The following EXOC4 variants were observed in gnomAD, a reference collection of about 807,000 sequenced individuals.
EXOC4 encodes SEC8-like 1.
EXOC4 carries 71 observed loss-of-function variants against 107.2 expected under a neutral mutation model. That is an observed-to-expected ratio of 0.66 (90% CI 0.55 to 0.81). EXOC4 has a LOEUF of 0.81. EXOC4 is among the 30% of genes least tolerant of loss of function. EXOC4 has a pLI of 0.00. For synonymous variants in EXOC4, 456 were observed against 441.2 expected (o/e 1.03, Z -0.42); for missense variants, 1,108 against 1,189.6 (o/e 0.93, Z 1.01).
At chr7:133,501,787 G>A (rs1168725102) in intron 9 of EXOC4, among the ~76,000 whole-genome samples, 1 of 152,138 alleles carries the variant, frequency 6.6e-6, no homozygotes, top group Non-Finnish European at 1.5e-5. Flanking sequence ...TACAGGGTGA[G>A]GTCTGGAAGA....
intron 10 of EXOC4, among the ~76,000 whole-genome samples, chr7:133,690,188 T>C (rs1794389550): frequency 6.6e-6 from 1 of 152,198 alleles, no homozygotes; most frequent in Non-Finnish European, 1.5e-5. Context: ...GTTTGGTCTC[T>C]TGGGTGTAGT....
chr7:133,985,063 G>A (rs1004789476), intron 14 of EXOC4, among the ~76,000 whole-genome samples: 1 of 152,102 alleles, frequency 6.6e-6, no homozygotes, highest in East Asian at 1.9e-4. Flanking sequence ...GCTGGGCAGT[G>A]AATGGAACAG....
At chr7:133,881,151 A>C (rs1798957701) in intron 11 of EXOC4, among the ~76,000 whole-genome samples, 1 of 152,150 alleles carries the variant, frequency 6.6e-6, no homozygotes, top group South Asian at 2.1e-4. Context: ...AATGAGTGAT[A>C]TTCCAAATGT....
chr7:133,582,584 T>C (rs1023313037), intron 9 of EXOC4, among the ~76,000 whole-genome samples: 10 of 145,392 alleles, frequency 6.9e-5, no homozygotes, highest in African/African-American at 2.2e-4. Flanking sequence ...ATTGCTCTAT[T>C]TTTTTTTTTA....
chr7:134,014,262 G>T (rs1456752069), intron 17 of EXOC4, among the ~76,000 whole-genome samples: 1 of 152,096 alleles, frequency 6.6e-6, no homozygotes, highest in Non-Finnish European at 1.5e-5. Context: ...AAATTAGCCG[G>T]GCATGGTGGC....
intron 10 of EXOC4, among the ~76,000 whole-genome samples, chr7:133,770,985 G>A (rs796088643): frequency 1.3e-5 from 2 of 152,034 alleles, no homozygotes; most frequent in African/African-American, 4.8e-5. Flanking sequence ...TACATGAATG[G>A]ACATGTTGTA....
chr7:133,865,554 C>T (rs1798618870), intron 11 of EXOC4, among the ~76,000 whole-genome samples: 1 of 148,528 alleles, frequency 6.7e-6, no homozygotes, highest in African/African-American at 2.6e-5. Flanking sequence ...TGTTCTCACA[C>T]TGCTATAAAG....
chr7:133,490,438 T>C (rs983091564), intron 9 of EXOC4, among the ~76,000 whole-genome samples: 8 of 152,128 alleles, frequency 5.3e-5, no homozygotes, highest in African/African-American at 1.7e-4. Context: ...TATTTAAAGC[T>C]TAAACTCGGT....
intron 10 of EXOC4, among the ~76,000 whole-genome samples, chr7:133,800,056 C>T (rs1796904480): frequency 7.1e-6 from 1 of 139,920 alleles, no homozygotes; most frequent in Non-Finnish European, 1.5e-5. Context: ...CCCACCCACC[C>T]ATCATATTTT....
chr7:133,615,306 C>A (rs1175678172), intron 9 of EXOC4, among the ~76,000 whole-genome samples: 3 of 151,660 alleles, frequency 2.0e-5, no homozygotes, highest in Non-Finnish European at 4.4e-5. Context: ...ATGAAGAAAA[C>A]GAGGGTGATT....
intron 9 of EXOC4, among the ~76,000 whole-genome samples, chr7:133,613,212 A>C (rs73726934): frequency 0.024 from 3,586 of 152,286 alleles, 149 homozygotes; most frequent in African/African-American, 0.082. Context: ...CTTTTACACA[A>C]ATGCAGACCA....
chr7:133,307,661 T>G (rs1171804400), intron 4 of EXOC4, among the ~76,000 whole-genome samples: 1 of 152,218 alleles, frequency 6.6e-6, no homozygotes, highest in Admixed American at 6.5e-5. Flanking sequence ...CTTCTACTTT[T>G]GTGGGAGAGG....
chr7:133,682,432 C>T (rs1460771398), intron 10 of EXOC4, among the ~76,000 whole-genome samples: 1 of 152,136 alleles, frequency 6.6e-6, no homozygotes, highest in African/African-American at 2.4e-5. Context: ...TTGCTTCTTT[C>T]TCCCTTTTAT....
At chr7:133,439,811 A>C (rs1217285744) in intron 7 of EXOC4, among the ~76,000 whole-genome samples, 1 of 152,084 alleles carries the variant, frequency 6.6e-6, no homozygotes, top group African/African-American at 2.4e-5. Context: ...GACCCTTCCC[A>C]TGTTTTCCCT....
intron 17 of EXOC4, among the ~76,000 whole-genome samples, chr7:134,024,915 A>G (rs1024048353): frequency 2.0e-5 from 3 of 152,200 alleles, no homozygotes; most frequent in Admixed American, 1.3e-4. Flanking sequence ...GCAGCAGAGC[A>G]AGACCTGGTG....
chr7:133,667,252 G>C (rs1324396129), intron 10 of EXOC4, among the ~76,000 whole-genome samples: 3 of 152,176 alleles, frequency 2.0e-5, no homozygotes, highest in African/African-American at 4.8e-5. Flanking sequence ...GGAGCCAGGA[G>C]AGTTGGCATG....
chr7:133,317,062 T>TAGA (rs1795005390), intron 4 of EXOC4, among the ~76,000 whole-genome samples: 1 of 152,168 alleles, frequency 6.6e-6, no homozygotes, highest in African/African-American at 2.4e-5. Flanking sequence ...AAAATTTAAG[T>TAGA]ACTTGGAACC....
At chr7:133,836,723 G>T (rs1236705947) in intron 11 of EXOC4, among the ~76,000 whole-genome samples, 1 of 152,008 alleles carries the variant, frequency 6.6e-6, no homozygotes, top group African/African-American at 2.4e-5. Flanking sequence ...AAGTCACAAT[G>T]ATTTAAATAA....
intron 7 of EXOC4, among the ~76,000 whole-genome samples, chr7:133,452,529 T>C (rs564297473): frequency 6.7e-6 from 1 of 149,992 alleles, no homozygotes; most frequent in East Asian, 2.0e-4. Context: ...CTACCCCCAA[T>C]AGCCTCTGCC....
Sources: allele counts gnomAD v4.1 joint callset (sites outside exome capture counted in the v4.1 genomes callset), GRCh38; gene constraint gnomAD v4.1.1; transcripts MANE v1.5; gene names NCBI Gene and HGNC (gene_info 2026-07-23, HGNC 2026-07-21).